The following SLC9A1 variants were observed in gnomAD, a reference collection of about 807,000 sequenced individuals.
The protein encoded by SLC9A1 is solute carrier family 9 member A1.
Under a neutral mutation model 67.9 loss-of-function variants are expected in SLC9A1, and 22 were observed. The ratio of observed to expected loss-of-function variants is 0.32; its 90% CI spans 0.23 to 0.46. SLC9A1 has a LOEUF of 0.46. Ranked by LOEUF, SLC9A1 falls within the 20% of genes least tolerant of loss-of-function variation. SLC9A1 has a pLI of 1.00. For synonymous variants in SLC9A1, 421 were observed against 471.8 expected, an observed-to-expected ratio of 0.89 and a Z score of 1.40; for missense variants, 686 against 1,094.8, an observed-to-expected ratio of 0.63 and a Z score of 5.27.
At chr1:27,107,934 G>C in intron 3 of SLC9A1, 69 bp from the exon 4 acceptor site, 3 of 1,153,728 alleles carry the variant, frequency 2.6e-6, no homozygotes, top group Non-Finnish European at 3.8e-6. Flanking sequence ...TCCACTGCCA[G>C]GGGCAATGGG....
chr1:27,145,450 T>C (rs1043183203), intron 1 of SLC9A1, among the ~76,000 whole-genome samples: 13 of 152,248 alleles, frequency 8.5e-5, no homozygotes, highest in Non-Finnish European at 1.5e-5. Context: ...CCTGGCTGGC[T>C]GATGCAAAGA....
intron 1 of SLC9A1, among the ~76,000 whole-genome samples, chr1:27,134,975 G>A (rs1004931393): frequency 6.6e-6 from 1 of 151,852 alleles, no homozygotes; most frequent in African/African-American, 2.4e-5. Flanking sequence ...GACCTCAGGT[G>A]ATCTGCCTGC....
intron 1 of SLC9A1, among the ~76,000 whole-genome samples, chr1:27,144,913 G>T (rs879666293): frequency 1.3e-5 from 2 of 152,084 alleles, no homozygotes; most frequent in Non-Finnish European, 2.9e-5. Flanking sequence ...TGGAGGCTGA[G>T]GCAGGAGAAT....
Position 27,109,655 on chromosome 1 carries a change from G to A in SLC9A1, c.936C>T (p.Tyr312=), listed in dbSNP as rs529383211. 6.3e-5 allele frequency: 101 copies of A among 1,613,894 alleles called. No homozygotes were observed. Among genetic ancestry groups the A allele is most frequent in the Non-Finnish European group, 8.1e-5 (95 of 1,179,968 alleles). Residue 312 remains tyrosine (Y), a synonymous_variant, in exon 3 of 12, where the codon TAC becomes TAT. Transcript: ENST00000263980. The surrounding 1 kb of genome is among the most constrained non-coding windows in gnomAD (Gnocchi z 5.5). The part of the protein sequence containing the change: ...ALGGVLVGVV[Y]GVIAAFTSRF... ...GGGAGGTGAAGGCTGCGATGACCCC[G>A]TAGACCACGCCCACAAGCACCCCGC...
At chr1:27,153,531 A>C (rs2083544672) in intron 1 of SLC9A1, among the ~76,000 whole-genome samples, 3 of 152,208 alleles carry the variant, frequency 2.0e-5, no homozygotes, top group Admixed American at 6.5e-5. Flanking sequence ...GGCCAAGTAG[A>C]AATATACTCC....
chr1:27,145,838 A>T (rs1350090004), intron 1 of SLC9A1, among the ~76,000 whole-genome samples: 3 of 152,338 alleles, frequency 2.0e-5, no homozygotes, highest in Admixed American at 2.0e-4. Context: ...TCGGCTCTGT[A>T]TATTAGATGA....
intron 2 of SLC9A1, among the ~76,000 whole-genome samples, chr1:27,113,564 T>C (rs2083245055): frequency 6.6e-6 from 1 of 152,222 alleles, no homozygotes; most frequent in Admixed American, 6.5e-5. Context: ...AACTGGTTCA[T>C]ACTCCAACAG....
intron 1 of SLC9A1, among the ~76,000 whole-genome samples, chr1:27,125,406 T>G (rs1284950692): frequency 5.4e-5 from 8 of 149,006 alleles, no homozygotes; most frequent in South Asian, 2.1e-4. Context: ...CTACCACACC[T>G]GGCCAATTTT....
Position 27,101,390 on chromosome 1 carries a change from C to A in SLC9A1, c.2038-115G>T. ...CGTATATGCAGGGCGCTTGCTCCCC[C>A]TCCCTTGTGCCTGTGTGGGCACCCG... On this transcript the variant is annotated intron_variant, in intron 10 of 11. Coordinates refer to ENST00000263980, the MANE Select transcript of SLC9A1 (RefSeq NM_003047.5). The surrounding 1 kb of genome is among the most constrained non-coding windows in gnomAD (Gnocchi z 4.9). 5 of 789,800 alleles carry A rather than the reference C, an allele frequency of 6.3e-6. No individual in the cohort carries two copies. The highest frequency in any genetic ancestry group is 8.4e-6 in the Non-Finnish European group (4 of 476,986). The allele number at this position is 789,800 out of a possible 1,614,324, so 48.9% of individuals were successfully genotyped here.
chr1:27,110,813 G>C (rs1255289683), intron 2 of SLC9A1, among the ~76,000 whole-genome samples: 3 of 152,322 alleles, frequency 2.0e-5, no homozygotes, highest in South Asian at 4.1e-4. Context: ...GAGCTGCCTG[G>C]CCTACTCAAG....
At chr1:27,104,843 CAG>C (rs1388818964) in intron 5 of SLC9A1, among the ~76,000 whole-genome samples, 3 of 152,188 alleles carry the variant, frequency 2.0e-5, no homozygotes, top group African/African-American at 7.2e-5. Context: ...GAGGCTCAGA[CAG>C]AGTGTTTCTT....
intron 1 of SLC9A1, among the ~76,000 whole-genome samples, chr1:27,139,964 T>C (rs1169017982): frequency 1.3e-5 from 2 of 152,070 alleles, no homozygotes; most frequent in African/African-American, 2.4e-5. Context: ...GGCTAATTTT[T>C]GTATTTTTAG....
chr1:27,102,118 G>C lies in SLC9A1; in HGVS notation c.1833C>G (p.Pro611=). The change falls in exon 9 of 12, where the codon CCC becomes CCG. Residue 611 remains proline (P), a synonymous_variant. Coordinates refer to ENST00000263980, the MANE Select transcript of SLC9A1 (RefSeq NM_003047.5). ...GGATGCGCTCGGAAGGCAGGGACTT[G>C]GGGTGGATGTTCCTGGGGCAATAGG... The part of the protein sequence containing the change: ...VSTVSMQNIH[P]KSLPSERILP... 1.9e-6 allele frequency: 3 copies of C among 1,613,428 alleles called. No individual in the cohort carries two copies. Among genetic ancestry groups the C allele is most frequent in the Middle Eastern group, 3.3e-4 (2 of 6,062 alleles).
At position 27,100,483 on chromosome 1, in the gene SLC9A1, C is replaced by T. The variant is rs138525900; in HGVS notation, c.2272G>A (p.Asp758Asn). Residue 758 changes from aspartate to asparagine, a missense_variant, in exon 12 of 12, where the codon GAC (aspartate) becomes AAC (asparagine). Coordinates refer to ENST00000263980, the MANE Select transcript of SLC9A1 (RefSeq NM_003047.5). The surrounding 1 kb of genome is among the most constrained non-coding windows in gnomAD (Gnocchi z 5.6). ...CTCCGCATCATGATGCCCCCATCGT[C>T]GTCCTCGTCCTCCTCAGCCACCTTT... ...PAKVAEEDED[D>N]DGGIMMRSKE... The T allele has an allele frequency of 1.7e-4, 267 of 1,613,988 alleles. No individual in the cohort carries two copies. The highest frequency in any genetic ancestry group is 2.2e-4 in the Non-Finnish European group (259 of 1,179,964).
rs977463271 is a variant in SLC9A1, at chr1:27,123,494, T to C, written c.353-9208A>G. 4.6e-5 allele frequency among the ~76,000 whole-genome samples: 7 copies of C among 152,102 alleles called. No individual in the cohort carries two copies. The South Asian group carries it at 1.5e-3, about 32-fold the overall frequency. On this transcript the variant is annotated intron_variant, in intron 1 of 11. Transcript: ENST00000263980. ...CAGTAGGTATAATTATTATCCACTT[T>C]TTATTTTTATTGGGCTTTTTTTTTT...
chr1:27,100,772 T>A lies in SLC9A1; in HGVS notation c.2111-128A>T. 1 of 749,430 alleles carries A rather than the reference T, an allele frequency of 1.3e-6. No individual in the cohort carries two copies. Among genetic ancestry groups the A allele is most frequent in the Non-Finnish European group, 2.2e-6 (1 of 453,628 alleles). 46.4% of individuals were successfully genotyped at this position (749,430 alleles called of 1,614,324 possible). A position where few individuals can be genotyped will look rare whatever the true frequency, so the allele number is the denominator to read the frequency against. ...ACAGCCGTCCCGGTCCCAACAGGCCTCAGAAGCAGGCCTCTGCGACCTTCC... is the reference window on the plus strand; with the variant it reads ...ACAGCCGTCCCGGTCCCAACAGGCCACAGAAGCAGGCCTCTGCGACCTTCC... On this transcript the variant is annotated intron_variant, in intron 11 of 11. Transcript: ENST00000263980. The surrounding 1 kb of genome is among the most constrained non-coding windows in gnomAD (Gnocchi z 5.6).
Position 27,114,330 on chromosome 1 carries a change from GC to G in SLC9A1, c.353-45del. 1 of 1,524,474 alleles carries G rather than the reference GC, an allele frequency of 6.6e-7. No homozygotes were observed. Among genetic ancestry groups the G allele is most frequent in the Non-Finnish European group, 9.0e-7 (1 of 1,113,188 alleles). The allele number at this position is 1,524,474 out of a possible 1,614,324, so 94.4% of individuals were successfully genotyped here. A position where few individuals can be genotyped will look rare whatever the true frequency, so the allele number is the denominator to read the frequency against. ...CGGGAGGCCATGGGCTTTCGGAGGA[GC>G]CAGGAGAATAGAAGGTTGGGGATGG... On this transcript the variant is annotated intron_variant, in intron 1 of 11. Transcript: ENST00000263980. This position sits in a 1 kb window ranked among gnomAD's most constrained non-coding sequence, Gnocchi z 5.4.
In SLC9A1 at chr1:27,109,553, C is replaced by T. The variant is rs1323794753; in HGVS notation, c.1038G>A (p.Glu346=). The T allele has an allele frequency of 1.9e-6, 3 of 1,613,686 alleles. No homozygotes were observed. Among genetic ancestry groups the T allele is most frequent in the African/African-American group, 1.3e-5 (1 of 74,972 alleles). ...CCATGATGCCTGACAGGTGGAAGAGCTCGGCTGACAAGTAGGCCATGTAGC... is the reference window on the plus strand; with the variant it reads ...CCATGATGCCTGACAGGTGGAAGAGTTCGGCTGACAAGTAGGCCATGTAGC... ...LYSYMAYLSA[E]LFHLSGIMAL... is the part of the protein sequence containing the mutation. Residue 346 remains glutamate, a synonymous_variant, in exon 3 of 12, where the codon GAG becomes GAA. Coordinates refer to ENST00000263980, the MANE Select transcript of SLC9A1 (RefSeq NM_003047.5). This position sits in a 1 kb window ranked among gnomAD's most constrained non-coding sequence, Gnocchi z 5.5.
At chr1:27,122,239 G>C (rs147029856) in intron 1 of SLC9A1, among the ~76,000 whole-genome samples, 35 of 152,284 alleles carry the variant, frequency 2.3e-4, no homozygotes, top group African/African-American at 8.2e-4. Flanking sequence ...CTGAGGAGCT[G>C]TGTTCGGTGC....
Sources: allele counts gnomAD v4.1 joint callset (sites outside exome capture counted in the v4.1 genomes callset), GRCh38; gene constraint gnomAD v4.1.1; non-coding constraint Gnocchi (gnomAD v3.1); transcripts MANE v1.5; gene names NCBI Gene and HGNC (gene_info 2026-07-23, HGNC 2026-07-21).